TENM3: variants seen among roughly 807,000 people sequenced by gnomAD.
TENM3 encodes teneurin-3.
In TENM3, 63 loss-of-function variants were observed where a neutral mutation model predicts 255.1. The observed-to-expected ratio is 0.25, with a 90% confidence interval of 0.20 to 0.30. TENM3 has a LOEUF of 0.30. Ranked by LOEUF, TENM3 falls within the 10% of genes least tolerant of loss-of-function variation. TENM3 has a pLI of 1.00. For missense variants in TENM3, 2,929 were observed against 3,461.1 expected, an observed-to-expected ratio of 0.85 and a Z score of 3.86; for synonymous variants, 1,306 against 1,322.3, an observed-to-expected ratio of 0.99 and a Z score of 0.27.
the TENM3 span, among the ~76,000 whole-genome samples, chr4:181,917,109 A>G: frequency 6.6e-6 from 1 of 152,218 alleles, no homozygotes; most frequent in South Asian, 2.1e-4. Flanking sequence ...TTGAGCACCT[A>G]CTATGTGCCT....
chr4:181,639,068 AT>A, the TENM3 span, among the ~76,000 whole-genome samples: 1 of 152,160 alleles, frequency 6.6e-6, no homozygotes, highest in Non-Finnish European at 1.5e-5. Flanking sequence ...CTGTTTGGGA[AT>A]ACTTCAAGTG....
intron 3 of TENM3, among the ~76,000 whole-genome samples, chr4:182,498,853 C>CT (rs992392558): frequency 7.8e-6 from 1 of 128,148 alleles, no homozygotes; most frequent in Non-Finnish European, 1.8e-5. Context: ...GAAACTCCAT[C>CT]TAAAAAAAAA....
chr4:182,033,326 G>T, the TENM3 span, among the ~76,000 whole-genome samples: 2 of 152,132 alleles, frequency 1.3e-5, no homozygotes, highest in Non-Finnish European at 2.9e-5. Flanking sequence ...GGAGCAAGTT[G>T]TTCACTTTCC....
the TENM3 span, among the ~76,000 whole-genome samples, chr4:181,610,709 G>GGT: frequency 6.6e-6 from 1 of 151,786 alleles, no homozygotes; most frequent in Non-Finnish European, 1.5e-5. Flanking sequence ...TCTGGGGGGT[G>GGT]GTGTGTGTGT....
At chr4:181,568,914 A>G in the TENM3 span, among the ~76,000 whole-genome samples, 1 of 152,200 alleles carries the variant, frequency 6.6e-6, no homozygotes, top group East Asian at 1.9e-4. Flanking sequence ...CCACTCCCCA[A>G]GGGTAGGGAT....
chr4:181,636,557 C>T, the TENM3 span, among the ~76,000 whole-genome samples: 1 of 152,166 alleles, frequency 6.6e-6, no homozygotes, highest in African/African-American at 2.4e-5. Flanking sequence ...TGTGTCATGA[C>T]AGGTTCCTCT....
chr4:181,742,722 A>G, the TENM3 span, among the ~76,000 whole-genome samples: 4 of 151,968 alleles, frequency 2.6e-5, no homozygotes, highest in Admixed American at 2.0e-4. Context: ...CATGTGCACA[A>G]TGTGCAGGTT....
At chr4:182,196,252 T>C (rs1172399897) in intron 1 of TENM3, among the ~76,000 whole-genome samples, 1 of 152,092 alleles carries the variant, frequency 6.6e-6, no homozygotes, top group Non-Finnish European at 1.5e-5. Context: ...TCCAAACCAG[T>C]GGACATGCTT....
chr4:182,374,656 C>T (rs939038932), intron 3 of TENM3, among the ~76,000 whole-genome samples: 10 of 152,122 alleles, frequency 6.6e-5, no homozygotes, highest in African/African-American at 1.9e-4. Context: ...CCAATTCAAA[C>T]GATTTATTTC....
chr4:182,269,183 G>A (rs1454622257), intron 1 of TENM3, among the ~76,000 whole-genome samples: 20 of 152,142 alleles, frequency 1.3e-4, no homozygotes, highest in African/African-American at 4.8e-5. Flanking sequence ...TCCCTTTGAC[G>A]TGGGTGTAAA....
At chr4:181,454,507 C>G in the TENM3 span, among the ~76,000 whole-genome samples, 2 of 152,042 alleles carry the variant, frequency 1.3e-5, no homozygotes, top group African/African-American at 4.8e-5. Flanking sequence ...TGTCCTAAGC[C>G]TTCATGTTCA....
the TENM3 span, among the ~76,000 whole-genome samples, chr4:181,806,556 G>C: frequency 3.9e-5 from 6 of 152,188 alleles, no homozygotes; most frequent in Non-Finnish European, 4.4e-5. Flanking sequence ...TTTAAAAAGG[G>C]CTTCTTGGCT....
chr4:182,798,858 A>G (rs1766686029), intron 27 of TENM3, among the ~76,000 whole-genome samples: 1 of 152,220 alleles, frequency 6.6e-6, no homozygotes, highest in Non-Finnish European at 1.5e-5. Context: ...AATGAAACAG[A>G]TGTTTTCATT....
At chr4:181,767,250 T>TG in the TENM3 span, among the ~76,000 whole-genome samples, 1 of 44,130 alleles carries the variant, frequency 2.3e-5, no homozygotes, top group Non-Finnish European at 4.8e-5. Flanking sequence ...AGACTCCGTC[T>TG]CAAAAAAAAA....
chr4:181,458,111 A>G, the TENM3 span, among the ~76,000 whole-genome samples: 1 of 151,970 alleles, frequency 6.6e-6, no homozygotes, highest in Non-Finnish European at 1.5e-5. Flanking sequence ...TATAAAGGGA[A>G]TAATAACCTT....
intron 3 of TENM3, among the ~76,000 whole-genome samples, chr4:182,518,188 A>T (rs1482233222): frequency 6.6e-6 from 1 of 152,166 alleles, no homozygotes; most frequent in African/African-American, 2.4e-5. Flanking sequence ...TACACCCTGG[A>T]AACACTCAAA....
At chr4:182,606,682 A>T (rs1426446642) in intron 4 of TENM3, among the ~76,000 whole-genome samples, 1 of 152,200 alleles carries the variant, frequency 6.6e-6, no homozygotes, top group Non-Finnish European at 1.5e-5. Context: ...GGAAAGTTTG[A>T]GATAAAGTTT....
chr4:182,094,810 A>C, the TENM3 span, among the ~76,000 whole-genome samples: 2 of 152,198 alleles, frequency 1.3e-5, no homozygotes, highest in East Asian at 3.9e-4. Context: ...GGAAAAGTGC[A>C]GAAATGAGAT....
chr4:181,787,235 G>A, the TENM3 span, among the ~76,000 whole-genome samples: 2 of 152,032 alleles, frequency 1.3e-5, no homozygotes, highest in African/African-American at 4.8e-5. Context: ...TGACAGAACA[G>A]ACTCTTTGTG....
Sources: allele counts gnomAD v4.1 joint callset (sites outside exome capture counted in the v4.1 genomes callset), GRCh38; gene constraint gnomAD v4.1.1; transcripts MANE v1.5; gene names NCBI Gene and HGNC (gene_info 2026-07-23, HGNC 2026-07-21).